BRWD1: variants seen among roughly 807,000 people sequenced by gnomAD.
BRWD1 encodes bromodomain and WD repeat-containing protein 1.
Under a neutral mutation model 251.2 loss-of-function variants are expected in BRWD1, and 82 were observed. The observed-to-expected ratio is 0.33, with a 90% CI of 0.27 to 0.39. BRWD1 has a LOEUF of 0.39. Among genes scored for constraint, BRWD1 ranks in the 10% least tolerant of loss-of-function variants. The probability of loss-of-function intolerance (pLI) is 1.00; values close to 1 mark genes in which losing one functional copy is unlikely to be tolerated. For missense variants in BRWD1, 2,233 were observed against 2,711.6 expected, an observed-to-expected ratio of 0.82 and a Z score of 3.92; for synonymous variants, 918 against 902.8, an observed-to-expected ratio of 1.02 and a Z score of -0.30.
chr21:39,294,556 G>C (rs919126046), intron 7 of BRWD1, among the ~76,000 whole-genome samples: 1 of 151,854 alleles, frequency 6.6e-6, no homozygotes, highest in Non-Finnish European at 1.5e-5. Context: ...TGAAGAGGCT[G>C]AGGCAGGAGA....
chr21:39,270,537 T>A, intron 13 of BRWD1, 104 bp from the exon 14 acceptor site: 1 of 978,322 alleles, frequency 1.0e-6, no homozygotes, highest in Non-Finnish European at 1.5e-6. Context: ...CCCATGTGCC[T>A]ATCTTATCAA....
chr21:39,297,951 T>C lies in BRWD1; in HGVS notation c.349+481A>G, dbSNP rs2036002316. The C allele has an allele frequency of 1.9e-5, 19 of 985,294 alleles. 1 individual carries two copies. In the South Asian group the frequency reaches 6.6e-4, roughly 34 times the overall value. 61.0% of individuals were successfully genotyped at this position (985,294 alleles called of 1,614,324 possible). A position where few individuals can be genotyped will look rare whatever the true frequency, so the allele number is the denominator to read the frequency against. On this transcript the variant is annotated intron_variant, in intron 5 of 40. Coordinates refer to ENST00000342449, the MANE Select transcript of BRWD1 (RefSeq NM_033656.4). ...ACATAACTTGGCAAAAAAATTAAAT[T>C]AGTAAAAAAAGAACCATGCAGTTTT...
chr21:39,302,310 A>G (rs547699407), intron 4 of BRWD1, among the ~76,000 whole-genome samples: 25 of 152,338 alleles, frequency 1.6e-4, no homozygotes, highest in Admixed American at 7.2e-4. Flanking sequence ...AAATAACAAA[A>G]TAAGTTCTGC....
At chr21:39,280,817 T>C (rs1052930905) in intron 8 of BRWD1, among the ~76,000 whole-genome samples, 5 of 152,160 alleles carry the variant, frequency 3.3e-5, no homozygotes, top group African/African-American at 1.2e-4. Context: ...ACATTCGAAA[T>C]GGGTCAATGA....
intron 20 of BRWD1, among the ~76,000 whole-genome samples, chr21:39,249,743 G>A (rs574076971): frequency 6.6e-5 from 10 of 152,242 alleles, no homozygotes; most frequent in East Asian, 5.8e-4. Context: ...GCAAAAACTC[G>A]TATTAATGAG....
In BRWD1 at chr21:39,196,157, A is replaced by C. The variant is rs1353011454; in HGVS notation, c.*102T>G. On this transcript the variant is annotated 3_prime_UTR_variant, in exon 41 of 41. Coordinates refer to ENST00000342449, the MANE Select transcript of BRWD1 (RefSeq NM_033656.4). ...CATAACTTTTCATAGAAAAATATAA[A>C]TATATTCCCTGAATTGTAAGACAAA... 8 of 1,475,830 alleles carry C rather than the reference A, an allele frequency of 5.4e-6. No homozygotes were observed. Among genetic ancestry groups the C allele is most frequent in the Non-Finnish European group, 7.1e-6 (8 of 1,121,088 alleles). The allele number at this position is 1,475,830 out of a possible 1,614,324, so 91.4% of individuals were successfully genotyped here. A position where few individuals can be genotyped will look rare whatever the true frequency, so the allele number is the denominator to read the frequency against.
At chr21:39,269,359 T>C (rs2035031191) in intron 15 of BRWD1, among the ~76,000 whole-genome samples, 1 of 151,046 alleles carries the variant, frequency 6.6e-6, no homozygotes, top group South Asian at 2.1e-4. Context: ...TTTAAGAGAG[T>C]GTCTCACTAC....
At chr21:39,274,891 T>G (rs1418799111) in intron 12 of BRWD1, among the ~76,000 whole-genome samples, 1 of 152,040 alleles carries the variant, frequency 6.6e-6, no homozygotes, top group African/African-American at 2.4e-5. Context: ...AATACAAAAA[T>G]TAGCCAGGCG....
chr21:39,211,416 A>G (rs934714822), intron 34 of BRWD1, among the ~76,000 whole-genome samples: 3 of 152,222 alleles, frequency 2.0e-5, no homozygotes, highest in African/African-American at 7.2e-5. Context: ...CAGTATAGCC[A>G]CAAAAGTTAT....
intron 37 of BRWD1, among the ~76,000 whole-genome samples, chr21:39,205,116 T>A (rs977868000): frequency 6.6e-6 from 1 of 152,176 alleles, no homozygotes; most frequent in Non-Finnish European, 1.5e-5. Context: ...ATAAAACCCA[T>A]GACTAGTCTT....
In BRWD1 at chr21:39,296,958, T is replaced by C. The variant is rs554554688; in HGVS notation, c.350-595A>G. On this transcript the variant is annotated intron_variant, in intron 5 of 40. Coordinates refer to ENST00000342449, the MANE Select transcript of BRWD1 (RefSeq NM_033656.4). ...AAAATTAATTTGGCCAATACTACCA[T>C]GACTTTAGTCTCTATCTTTAGGAAG... 2.3e-5 allele frequency: 23 copies of C among 985,122 alleles called. No homozygotes were observed. In the Admixed American group the frequency reaches 3.1e-4, roughly 13 times the overall value. 61.0% of individuals were successfully genotyped at this position (985,122 alleles called of 1,614,324 possible).
In BRWD1 at chr21:39,277,358, T is replaced by C; in HGVS notation, c.1004-7A>G. The stretch of plus-strand genomic sequence containing the variant: ...GTGGCTAAAAACATACCACCTGAAA[T>C]AAAAATGGTAAGGTTTAAACATCCA... On this transcript the variant is annotated splice_region_variant and splice_polypyrimidine_tract_variant and intron_variant, in intron 10 of 40. Transcript: ENST00000342449. The C allele has an allele frequency of 1.9e-6, 3 of 1,553,424 alleles. No homozygotes were observed. The highest frequency in any genetic ancestry group is 2.6e-6 in the Non-Finnish European group (3 of 1,139,386).
intron 36 of BRWD1, 24 bp downstream of exon 36, chr21:39,209,971 T>TC: frequency 6.2e-7 from 1 of 1,603,222 alleles, no homozygotes; most frequent in Non-Finnish European, 8.5e-7. Flanking sequence ...GCAGTTTTTT[T>TC]CAATAAACCA....
At position 39,203,370 on chromosome 21, in the gene BRWD1, TTGACATTACGA is replaced by T. The variant is rs556394792; in HGVS notation, c.4365-836_4365-826del. 1.6e-4 allele frequency among the ~76,000 whole-genome samples: 24 copies of T among 151,232 alleles called. 1 individual carries two copies. In the South Asian group the frequency reaches 5.0e-3, roughly 32 times the overall value. On this transcript the variant is annotated intron_variant, in intron 37 of 40. Coordinates refer to ENST00000342449, the MANE Select transcript of BRWD1 (RefSeq NM_033656.4). ...AGGAGACTTGTTTTAGCCCAGGAGC[TTGACATTACGA>T]TGACATTATGATCACACCATGCACT...
At chr21:39,312,793 G>A in intron 4 of BRWD1, 48 bp downstream of exon 4, 3 of 1,502,828 alleles carry the variant, frequency 2.0e-6, no homozygotes, top group East Asian at 2.4e-5. Flanking sequence ...GGCGGGGGCG[G>A]GGGGCGGTGC....
At chr21:39,311,996 G>C (rs767039888) in intron 4 of BRWD1, among the ~76,000 whole-genome samples, 4 of 152,144 alleles carry the variant, frequency 2.6e-5, no homozygotes, top group Admixed American at 6.5e-5. Flanking sequence ...ACAAGATGCT[G>C]AATATGGCCT....
chr21:39,320,369 C>CT (rs1271200045), intron 1 of BRWD1, among the ~76,000 whole-genome samples: 3 of 152,278 alleles, frequency 2.0e-5, no homozygotes, highest in Admixed American at 6.5e-5. Flanking sequence ...GTGTCTCAGT[C>CT]TGTCATCCAG....
At chr21:39,302,557 G>A (rs756444819) in intron 4 of BRWD1, among the ~76,000 whole-genome samples, 5 of 151,922 alleles carry the variant, frequency 3.3e-5, no homozygotes, top group Non-Finnish European at 7.4e-5. Context: ...AGGAGTTCAA[G>A]ACCAGCCTGG....
intron 4 of BRWD1, among the ~76,000 whole-genome samples, chr21:39,300,389 T>C (rs1480732304): frequency 2.6e-5 from 4 of 151,920 alleles, no homozygotes. Flanking sequence ...AGGTACAAAG[T>C]AGAAAAAGAT....
Sources: allele counts gnomAD v4.1 joint callset (sites outside exome capture counted in the v4.1 genomes callset), GRCh38; gene constraint gnomAD v4.1.1; transcripts MANE v1.5; gene names NCBI Gene and HGNC (gene_info 2026-07-23, HGNC 2026-07-21).